Variants in CCDC57 observed in about 807,000 individuals in gnomAD.
CCDC57 encodes the protein coiled-coil domain containing 57, also known as coiled-coil domain-containing protein 57.
Under a neutral mutation model 118.9 loss-of-function variants are expected in CCDC57, and 118 were observed. The ratio of observed to expected loss-of-function variants is 0.99; its 90% CI spans 0.86 to 1.16. The LOEUF (loss-of-function observed/expected upper bound fraction) is 1.16. Ranked by LOEUF, CCDC57 falls within the 50% of genes most tolerant of loss-of-function variation. CCDC57 has a pLI of 0.00. For synonymous variants in CCDC57, 527 were observed against 532.9 expected (o/e 0.99, Z 0.15); for missense variants, 1,300 against 1,320.7 (o/e 0.98, Z 0.24).
intron 13 of CCDC57, among the ~76,000 whole-genome samples, chr17:82,166,056 A>T (rs1440022684): frequency 1.3e-5 from 2 of 152,166 alleles, no homozygotes; most frequent in Non-Finnish European, 2.9e-5. Context: ...AGGCCAAGGC[A>T]GGAGGATCAC....
rs145840839 is a variant in CCDC57 at position 82,189,576 on chromosome 17, G to A, written c.852-1157C>T. Among the ~76,000 whole-genome samples the A allele has an allele frequency of 5.0e-4, 76 of 152,072 alleles. No individual in the cohort carries two copies. The East Asian group carries it at 0.013, about 27-fold the overall frequency. On this transcript the variant is annotated intron_variant, in intron 7 of 19. Transcript: ENST00000665763. The stretch of plus-strand genomic sequence containing the variant: ...GATTTAAAATTATTCCTGGCTGGGC[G>A]CAGTGGCTCATCCCTGTAATCCCAG...
At chr17:82,151,179 G>A (rs1327693108) in intron 16 of CCDC57, among the ~76,000 whole-genome samples, 776 of 77,292 alleles carry the variant, frequency 0.01, no homozygotes, top group Non-Finnish European at 0.015. Flanking sequence ...CCAGAACCAG[G>A]CGCACACCCA....
chr17:82,151,724 A>G, exon 16 of CCDC57: 3 of 1,550,320 alleles, frequency 1.9e-6, no homozygotes, highest in Non-Finnish European at 2.6e-6. Context: ...GAGGTGCAGG[A>G]AAAGCTCCCC....
chr17:82,113,554 G>A (rs1245526728), intron 19 of CCDC57: 1 of 717,538 alleles, frequency 1.4e-6, no homozygotes, highest in Non-Finnish European at 2.6e-6. Context: ...CTGAGGAGCT[G>A]CCTCCATTCA....
intron 17 of CCDC57, among the ~76,000 whole-genome samples, chr17:82,131,613 G>T (rs139723673): frequency 0.016 from 2,491 of 151,748 alleles, 72 homozygotes; most frequent in African/African-American, 0.057. Context: ...TTAGCCAGGC[G>T]TGGTGGTGCA....
rs536967099 is a variant in CCDC57 at position 82,158,039 on chromosome 17, C to A, written c.2041-91G>T. 6.1e-6 allele frequency: 9 copies of A among 1,465,330 alleles called. No homozygotes were observed. The African/African-American group carries it at 9.9e-5, about 16-fold the overall frequency. The allele number at this position is 1,465,330 out of a possible 1,614,324, so 90.8% of individuals were successfully genotyped here. ...CACTGACAGGAAGCGCTGTGAGTGC[C>A]GGGAAAGAACGGGGAGCCCGGGGTC... On this transcript the variant is annotated intron_variant, in intron 14 of 19. Transcript: ENST00000665763.
Position 82,104,231 on chromosome 17 carries a change from G to A in CCDC57, c.2900-2365C>T, listed in dbSNP as rs539798086. Among the ~76,000 whole-genome samples, 100 of 152,346 alleles carry A rather than the reference G, an allele frequency of 6.6e-4. No homozygotes were observed. In the South Asian group the frequency reaches 0.019, roughly 29 times the overall value. ...GCCTGGCCGGGATTTCTCTTTCTGC[G>A]TTGGGCTGACTGGGCCGCAGGGAAA... On this transcript the variant is annotated intron_variant, in intron 19 of 19. Transcript: ENST00000665763.
chr17:82,137,735 G>A (rs1310084094), intron 16 of CCDC57, among the ~76,000 whole-genome samples: 3 of 150,048 alleles, frequency 2.0e-5, no homozygotes. Flanking sequence ...GTGCAGTGGC[G>A]CAATCTCGGC....
chr17:82,110,840 C>T (rs2035189625), intron 19 of CCDC57, among the ~76,000 whole-genome samples: 1 of 152,042 alleles, frequency 6.6e-6, no homozygotes, highest in African/African-American at 2.4e-5. Context: ...GCCTGACCAA[C>T]ATGGAGAAAC....
At chr17:82,119,293 T>C (rs2036348453) in intron 19 of CCDC57, among the ~76,000 whole-genome samples, 1 of 152,124 alleles carries the variant, frequency 6.6e-6, no homozygotes, top group African/African-American at 2.4e-5. Context: ...GTAGTTTCTC[T>C]AGCATTATCT....
chr17:82,130,104 G>A (rs939786468), intron 17 of CCDC57, among the ~76,000 whole-genome samples: 1 of 151,858 alleles, frequency 6.6e-6, no homozygotes. Flanking sequence ...CGGAGGCTGA[G>A]GTGGGAAGAT....
intron 15 of CCDC57, chr17:82,152,025 G>C: frequency 2.0e-6 from 1 of 508,992 alleles, no homozygotes; most frequent in Non-Finnish European, 3.5e-6. Flanking sequence ...GATCTCCCAG[G>C]CCCTCACAGC....
chr17:82,148,582 T>G (rs2041293674), intron 16 of CCDC57, among the ~76,000 whole-genome samples: 2 of 70,018 alleles, frequency 2.9e-5, no homozygotes, highest in Non-Finnish European at 2.6e-5. Flanking sequence ...GATGGATGGG[T>G]GGGTGGATGG....
rs558032099 is a variant in CCDC57, at chr17:82,139,026, T to C, written c.2456-4832A>G. ...CAGACGGCCACCGCCTGCCCCACAC[T>C]TTTTGCCTCTCCACTGGATATTCTT... On this transcript the variant is annotated intron_variant, in intron 16 of 19. Transcript: ENST00000665763. 2.0e-5 allele frequency among the ~76,000 whole-genome samples: 3 copies of C among 152,326 alleles called. No homozygotes were observed. In the South Asian group the frequency reaches 6.2e-4, roughly 32 times the overall value.
At chr17:82,113,148 G>T in intron 19 of CCDC57, 1 of 545,394 alleles carries the variant, frequency 1.8e-6, no homozygotes, top group Non-Finnish European at 3.2e-6. Flanking sequence ...ACATCTACTT[G>T]ACCATCTGTT....
intron 2 of CCDC57, among the ~76,000 whole-genome samples, chr17:82,204,117 G>C (rs1182800916): frequency 6.6e-6 from 1 of 152,106 alleles, no homozygotes; most frequent in Non-Finnish European, 1.5e-5. Flanking sequence ...TCTCTGACGA[G>C]GCTCTGGAGC....
At chr17:82,104,800 A>C (rs1334310517) in intron 19 of CCDC57, 1 of 152,208 alleles carries the variant, frequency 6.6e-6, no homozygotes, top group Non-Finnish European at 1.5e-5. Flanking sequence ...CGGCCTCCCA[A>C]AGTGCTGGGA....
intron 19 of CCDC57, chr17:82,106,448 G>A (rs1222814128): frequency 6.5e-6 from 1 of 152,864 alleles, no homozygotes; most frequent in Non-Finnish European, 1.5e-5. Context: ...GGGTGCCGAG[G>A]AGGCCACTAG....
chr17:82,176,449 G>A (rs999337834), intron 11 of CCDC57, among the ~76,000 whole-genome samples: 8 of 152,196 alleles, frequency 5.3e-5, no homozygotes, highest in African/African-American at 1.9e-4. Flanking sequence ...ATGCGAAACC[G>A]TCACAGCTAC....
Sources: gnomAD v4.1 joint callset for allele counts (sites outside exome capture counted in the v4.1 genomes callset) on GRCh38, gnomAD v4.1.1 for gene constraint, MANE v1.5 for transcripts, NCBI Gene and HGNC (gene_info 2026-07-23, HGNC 2026-07-21) for gene names.